DPF3: variants seen among roughly 807,000 people sequenced by gnomAD.
DPF3 encodes the protein double PHD fingers 3, also known as zinc finger protein DPF3.
A neutral mutation model predicts 56.8 loss-of-function variants in DPF3; 18 were observed. The observed-to-expected ratio is 0.32, with a 90% confidence interval of 0.22 to 0.47. The LOEUF is 0.47. Among genes scored for constraint, DPF3 ranks in the 20% least tolerant of loss-of-function variants. The pLI, the probability that DPF3 is intolerant of heterozygous loss-of-function variation, is 1.00. For missense variants in DPF3, 403 were observed against 488.8 expected (o/e 0.82, Z 1.65); for synonymous variants, 188 against 180.2 (o/e 1.04, Z -0.35).
chr14:72,633,795 G>A (rs1885295645), intron 8 of DPF3, among the ~76,000 whole-genome samples: 1 of 152,086 alleles, frequency 6.6e-6, no homozygotes. Flanking sequence ...AGGGGCCGGG[G>A]GTGGCGTGTG....
In DPF3 at chr14:72,792,762, C is replaced by T. The variant is rs577537308; in HGVS notation, c.33-20869G>A. Among the ~76,000 whole-genome samples the T allele has an allele frequency of 2.6e-5, 4 of 152,214 alleles. No homozygotes were observed. In the East Asian group the frequency reaches 7.7e-4, roughly 29 times the overall value. The stretch of plus-strand genomic sequence containing the variant: ...AGGTCCAGTTAGCAGAGGCCACTTC[C>T]AATGACCCAGTGTGGCCCAAATCTC... On this transcript the variant is annotated intron_variant, in intron 1 of 10. Coordinates refer to ENST00000556509, the MANE Select transcript of DPF3 (RefSeq NM_001280542.3).
At chr14:72,629,237 G>T (rs1250326586) in intron 9 of DPF3, among the ~76,000 whole-genome samples, 1 of 152,216 alleles carries the variant, frequency 6.6e-6, no homozygotes, top group East Asian at 1.9e-4. Flanking sequence ...TGGTATTTAT[G>T]AAATAAGATT....
At chr14:72,760,876 A>G (rs1221280752) in intron 2 of DPF3, among the ~76,000 whole-genome samples, 1 of 152,170 alleles carries the variant, frequency 6.6e-6, no homozygotes, top group Non-Finnish European at 1.5e-5. Context: ...AAGAAGTAAA[A>G]GAATGGAAAA....
chr14:72,858,341 C>G (rs1885252901), intron 1 of DPF3, among the ~76,000 whole-genome samples: 1 of 149,454 alleles, frequency 6.7e-6, no homozygotes, highest in Non-Finnish European at 1.5e-5. Flanking sequence ...GTGTGTCCAA[C>G]TCCAGGCTTG....
At chr14:72,867,711 A>T (rs1042632305) in intron 1 of DPF3, among the ~76,000 whole-genome samples, 2 of 152,156 alleles carry the variant, frequency 1.3e-5, no homozygotes, top group African/African-American at 4.8e-5. Flanking sequence ...CTGTTGTATA[A>T]GCTTGATATC....
intron 8 of DPF3, among the ~76,000 whole-genome samples, chr14:72,663,290 G>T (rs1886303509): frequency 6.6e-6 from 1 of 151,748 alleles, no homozygotes; most frequent in Non-Finnish European, 1.5e-5. Context: ...AAGTAGAAAT[G>T]AGTAGTTCTA....
intron 4 of DPF3, chr14:72,731,556 A>T (rs1359964077): frequency 2.1e-6 from 1 of 483,502 alleles, no homozygotes; most frequent in Admixed American, 3.4e-5. Flanking sequence ...CACTAGGCTC[A>T]ACAAATTCAC....
At chr14:72,863,058 T>TTATA (rs58405648) in intron 1 of DPF3, among the ~76,000 whole-genome samples, 1,472 of 138,288 alleles carry the variant, frequency 0.011, 9 homozygotes, top group Non-Finnish European at 0.016. Context: ...ATTATTCCAT[T>TTATA]TATATATATA....
At position 72,703,945 on chromosome 14, in the gene DPF3, C is replaced by T. The variant is rs529140111; in HGVS notation, c.604+10478G>A. On this transcript the variant is annotated intron_variant, in intron 6 of 10. Coordinates refer to ENST00000556509, the MANE Select transcript of DPF3 (RefSeq NM_001280542.3). ...CTTGATTCAGTATAAAGAAAATAAA[C>T]ATTTATTGAAAATATCTATGAACCA... is the stretch of plus-strand genomic sequence containing the variant. 3.9e-5 allele frequency among the ~76,000 whole-genome samples: 6 copies of T among 152,320 alleles called. No homozygotes were observed. In the East Asian group the frequency reaches 7.7e-4, roughly 20 times the overall value.
chr14:72,833,495 CA>C (rs1466714692), intron 1 of DPF3, among the ~76,000 whole-genome samples: 3 of 151,922 alleles, frequency 2.0e-5, no homozygotes, highest in Non-Finnish European at 4.4e-5. Context: ...GGATGGATGC[CA>C]AGGGTGCAGA....
chr14:72,867,466 T>C (rs1308154964), intron 1 of DPF3, among the ~76,000 whole-genome samples: 1 of 152,154 alleles, frequency 6.6e-6, no homozygotes, highest in Non-Finnish European at 1.5e-5. Flanking sequence ...AGCTGTACTG[T>C]TGAGGGGCAG....
chr14:72,847,254 A>G (rs1028175779), intron 1 of DPF3, among the ~76,000 whole-genome samples: 1 of 152,194 alleles, frequency 6.6e-6, no homozygotes. Flanking sequence ...TGGTCATTCA[A>G]TCCTCAAACC....
At chr14:72,706,510 G>C (rs1295278135) in intron 6 of DPF3, among the ~76,000 whole-genome samples, 1 of 152,166 alleles carries the variant, frequency 6.6e-6, no homozygotes, top group African/African-American at 2.4e-5. Context: ...CATCATCACA[G>C]TCAGCTTTCC....
intron 3 of DPF3, among the ~76,000 whole-genome samples, chr14:72,745,912 A>T (rs1322162750): frequency 1.3e-5 from 2 of 152,208 alleles, no homozygotes; most frequent in African/African-American, 2.4e-5. Context: ...CATACCCCCA[A>T]AAAAGGGAGG....
At position 72,705,065 on chromosome 14, in the gene DPF3, C is replaced by T. The variant is rs1335792177; in HGVS notation, c.604+9358G>A. 9.2e-5 allele frequency among the ~76,000 whole-genome samples: 14 copies of T among 152,166 alleles called. 1 individual carries two copies. The highest frequency in any genetic ancestry group is 9.2e-4 in the Admixed American group (14 of 15,284). On this transcript the variant is annotated intron_variant, in intron 6 of 10. Transcript: ENST00000556509. The stretch of plus-strand genomic sequence containing the variant: ...GGCCAACCTCTAAGCCAGGGGTCCC[C>T]AACCCCCCGGGCTATAGACTGACAC...
intron 1 of DPF3, among the ~76,000 whole-genome samples, chr14:72,781,736 G>A (rs75434636): frequency 0.025 from 3,691 of 145,146 alleles, 66 homozygotes; most frequent in East Asian, 0.098. Flanking sequence ...GTGGGAAGGG[G>A]ACGCTCCGGG....
intron 3 of DPF3, among the ~76,000 whole-genome samples, chr14:72,736,119 C>T (rs1017131483): frequency 6.6e-5 from 10 of 152,254 alleles, no homozygotes; most frequent in African/African-American, 2.4e-4. Flanking sequence ...TACTAGTAGT[C>T]ACATGTAGAA....
chr14:72,739,266 A>C (rs1356066922), intron 3 of DPF3, among the ~76,000 whole-genome samples: 1 of 151,852 alleles, frequency 6.6e-6, no homozygotes. Context: ...TGCATAGTGC[A>C]AAGAAATACA....
intron 8 of DPF3, chr14:72,662,637 G>A (rs1043108640): frequency 4.1e-6 from 4 of 985,282 alleles, no homozygotes; most frequent in Admixed American, 6.2e-5. Context: ...TGTGGGCTGA[G>A]CTGAGTTGCG....
Sources: gnomAD v4.1 joint callset for allele counts (sites outside exome capture counted in the v4.1 genomes callset) on GRCh38, gnomAD v4.1.1 for gene constraint, MANE v1.5 for transcripts, NCBI Gene and HGNC (gene_info 2026-07-23, HGNC 2026-07-21) for gene names.